Variants in PDE3A observed in about 807,000 individuals in gnomAD.
PDE3A encodes cGMP-inhibited 3',5'-cyclic phosphodiesterase 3A.
A neutral mutation model predicts 98.3 loss-of-function variants in PDE3A; 43 were observed. That is an observed-to-expected ratio of 0.44 (90% CI 0.34 to 0.56). The LOEUF (loss-of-function observed/expected upper bound fraction) is 0.56, where lower values mean the gene tolerates loss of function less well. Among genes scored for constraint, PDE3A ranks in the 20% least tolerant of loss-of-function variants. The pLI, the probability that PDE3A is intolerant of heterozygous loss-of-function variation, is 0.01. For synonymous variants in PDE3A, 663 were observed against 567.9 expected, an observed-to-expected ratio of 1.17 and a Z score of -2.38; for missense variants, 1,427 against 1,440.7, an observed-to-expected ratio of 0.99 and a Z score of 0.15.
chr12:20,603,245 T>C (rs80110640), intron 2 of PDE3A, among the ~76,000 whole-genome samples: 1 of 152,290 alleles, frequency 6.6e-6, no homozygotes, highest in Non-Finnish European at 1.5e-5. Flanking sequence ...ACCCTAAGAA[T>C]ATTCCTCCCA....
At chr12:20,461,011 C>T (rs929575776) in intron 1 of PDE3A, among the ~76,000 whole-genome samples, 8 of 151,814 alleles carry the variant, frequency 5.3e-5, no homozygotes, top group African/African-American at 1.5e-4. Context: ...ATGTAGAGTC[C>T]GTATCAGTGG....
chr12:20,551,445 A>G, intron 1 of PDE3A: 1 of 604,306 alleles, frequency 1.7e-6, no homozygotes, highest in Non-Finnish European at 2.9e-6. Context: ...TGACAGATTG[A>G]TAGCTCTTTC....
At chr12:20,621,444 G>A (rs1290110628) in intron 5 of PDE3A, 33 bp downstream of exon 5, 3 of 1,121,244 alleles carry the variant, frequency 2.7e-6, no homozygotes, top group Admixed American at 3.4e-5. Flanking sequence ...GGTTCATACT[G>A]TGAGTGTGGA....
At chr12:20,554,519 C>T (rs1207271954) in intron 1 of PDE3A, among the ~76,000 whole-genome samples, 1 of 150,712 alleles carries the variant, frequency 6.6e-6, no homozygotes, top group Admixed American at 6.6e-5. Flanking sequence ...ATTAATATTA[C>T]CATTTATTAT....
intron 1 of PDE3A, among the ~76,000 whole-genome samples, chr12:20,509,487 A>G (rs1476302273): frequency 6.6e-6 from 1 of 151,908 alleles, no homozygotes; most frequent in Non-Finnish European, 1.5e-5. Flanking sequence ...AGATCTATTT[A>G]CCCTAGAAGT....
At chr12:20,546,534 A>G (rs1942063621) in intron 1 of PDE3A, among the ~76,000 whole-genome samples, 1 of 152,208 alleles carries the variant, frequency 6.6e-6, no homozygotes, top group East Asian at 1.9e-4. Flanking sequence ...AATGCTGCAG[A>G]GAGCAAATAT....
intron 1 of PDE3A, among the ~76,000 whole-genome samples, chr12:20,505,024 C>T (rs962738773): frequency 1.2e-4 from 19 of 152,102 alleles, no homozygotes; most frequent in Admixed American, 2.6e-4. Context: ...TGTAATTATA[C>T]AGGGAAGTTG....
At chr12:20,675,759 A>AT (rs1284581481) in intron 15 of PDE3A, among the ~76,000 whole-genome samples, 3 of 152,268 alleles carry the variant, frequency 2.0e-5, no homozygotes, top group Admixed American at 2.0e-4. Flanking sequence ...GTTTCATCTA[A>AT]TATAAGTATA....
At chr12:20,386,569 G>C (rs993904347) in intron 1 of PDE3A, among the ~76,000 whole-genome samples, 1 of 151,704 alleles carries the variant, frequency 6.6e-6, no homozygotes, top group Non-Finnish European at 1.5e-5. Flanking sequence ...TCCGTCTCCT[G>C]ACCTCAAGTG....
intron 2 of PDE3A, among the ~76,000 whole-genome samples, chr12:20,579,284 CTTACTGAGGCTGAG>C (rs961194330): frequency 6.6e-6 from 1 of 152,132 alleles, no homozygotes; most frequent in African/African-American, 2.4e-5. Flanking sequence ...TTGATTAACC[CTTACTGAGGCTGAG>C]TTGAAATATG....
At chr12:20,394,788 C>A (rs1943978190) in intron 1 of PDE3A, among the ~76,000 whole-genome samples, 1 of 151,784 alleles carries the variant, frequency 6.6e-6, no homozygotes, top group Non-Finnish European at 1.5e-5. Flanking sequence ...CAAATTTTGC[C>A]CCTGCCTGAA....
chr12:20,677,840 G>A (rs1945681126), intron 15 of PDE3A, among the ~76,000 whole-genome samples: 1 of 152,126 alleles, frequency 6.6e-6, no homozygotes, highest in Non-Finnish European at 1.5e-5. Context: ...GGTGCAGGCA[G>A]TAGCATAGTC....
intron 1 of PDE3A, among the ~76,000 whole-genome samples, chr12:20,387,436 C>T (rs1363182700): frequency 6.6e-6 from 1 of 151,888 alleles, no homozygotes; most frequent in African/African-American, 2.4e-5. Context: ...TGTTTGTGTC[C>T]TCTCTCATTC....
intron 12 of PDE3A, among the ~76,000 whole-genome samples, chr12:20,648,362 T>C (rs1417677526): frequency 6.6e-6 from 1 of 151,280 alleles, no homozygotes; most frequent in African/African-American, 2.4e-5. Flanking sequence ...TGTATATAAT[T>C]TTTATGTTTA....
At chr12:20,492,096 T>G (rs556536300) in intron 1 of PDE3A, among the ~76,000 whole-genome samples, 1 of 152,232 alleles carries the variant, frequency 6.6e-6, no homozygotes, top group Admixed American at 6.5e-5. Context: ...TTCTTATGCC[T>G]CAGCCTTCTG....
chr12:20,668,276 GCGCCCGCCA>G (rs1945374696), intron 15 of PDE3A, among the ~76,000 whole-genome samples: 1 of 152,190 alleles, frequency 6.6e-6, no homozygotes, highest in Non-Finnish European at 1.5e-5. Flanking sequence ...TGGGGGAGGG[GCGCCCGCCA>G]TTGCCCAGGC....
chr12:20,658,676 A>T (rs752445397), intron 15 of PDE3A, among the ~76,000 whole-genome samples: 1 of 152,166 alleles, frequency 6.6e-6, no homozygotes, highest in Non-Finnish European at 1.5e-5. Context: ...CTACCTCCCA[A>T]CAGAGACTAG....
chr12:20,506,070 G>T (rs1287100091), intron 1 of PDE3A, among the ~76,000 whole-genome samples: 1 of 150,352 alleles, frequency 6.7e-6, no homozygotes, highest in African/African-American at 2.5e-5. Context: ...ATATATTAGG[G>T]TCAAGGAGCT....
At chr12:20,555,941 A>G (rs1204049821) in intron 1 of PDE3A, among the ~76,000 whole-genome samples, 1 of 152,040 alleles carries the variant, frequency 6.6e-6, no homozygotes, top group Non-Finnish European at 1.5e-5. Context: ...TATTAGCTGT[A>G]AATACTTCTT....
Sources: gnomAD v4.1 joint callset for allele counts (sites outside exome capture counted in the v4.1 genomes callset) on GRCh38, gnomAD v4.1.1 for gene constraint, MANE v1.5 for transcripts, NCBI Gene and HGNC (gene_info 2026-07-23, HGNC 2026-07-21) for gene names.